Variants in SH3PXD2A observed in about 807,000 individuals in gnomAD.
SH3PXD2A encodes the protein SH3 and PX domains 2A, also known as SH3 and PX domain-containing protein 2A.
A neutral mutation model predicts 115.2 loss-of-function variants in SH3PXD2A; 32 were observed. The ratio of observed to expected loss-of-function variants is 0.28; its 90% CI spans 0.21 to 0.37. The LOEUF is 0.37. Ranked by LOEUF, SH3PXD2A falls within the 10% of genes least tolerant of loss-of-function variation. The probability of loss-of-function intolerance (pLI) is 1.00; values close to 1 mark genes in which losing one functional copy is unlikely to be tolerated. For synonymous variants in SH3PXD2A, 610 were observed against 629.1 expected (o/e 0.97, Z 0.45); for missense variants, 1,328 against 1,498.7 (o/e 0.89, Z 1.88).
chr10:103,820,294 G>A (rs2039365067), intron 1 of SH3PXD2A, among the ~76,000 whole-genome samples: 1 of 152,064 alleles, frequency 6.6e-6, no homozygotes, highest in Non-Finnish European at 1.5e-5. Context: ...TGTGGCCAGA[G>A]GGGACCCTCC....
intron 2 of SH3PXD2A, among the ~76,000 whole-genome samples, chr10:103,770,450 C>T (rs1436357762): frequency 6.6e-6 from 1 of 152,202 alleles, no homozygotes; most frequent in Non-Finnish European, 1.5e-5. Context: ...ATCCTCCTAC[C>T]TTGGCCTCCC....
At chr10:103,817,333 G>A (rs912185099) in intron 1 of SH3PXD2A, among the ~76,000 whole-genome samples, 7 of 151,794 alleles carry the variant, frequency 4.6e-5, no homozygotes, top group African/African-American at 1.7e-4. Context: ...GTAGGCCCCA[G>A]TGTCTGTTGT....
intron 4 of SH3PXD2A, 63 bp from the exon 5 acceptor site, chr10:103,724,424 C>G: frequency 1.1e-6 from 1 of 951,680 alleles, no homozygotes; most frequent in African/African-American, 1.7e-5. Flanking sequence ...AAAACCAAGA[C>G]AGTGTCACCT....
chr10:103,843,671 C>A (rs1257199882), intron 1 of SH3PXD2A, among the ~76,000 whole-genome samples: 2 of 152,168 alleles, frequency 1.3e-5, no homozygotes, highest in Non-Finnish European at 2.9e-5. Context: ...GGGCAGGTGA[C>A]CTGGGGTTTA....
intron 7 of SH3PXD2A, chr10:103,661,509 C>G (rs2037301572): frequency 3.1e-6 from 1 of 320,340 alleles, no homozygotes; most frequent in African/African-American, 2.2e-5. Context: ...CTCCGGCCTC[C>G]CTCTCGGGCC....
intron 1 of SH3PXD2A, among the ~76,000 whole-genome samples, chr10:103,840,656 G>A (rs770232687): frequency 5.3e-5 from 8 of 152,186 alleles, no homozygotes; most frequent in Non-Finnish European, 1.0e-4. Context: ...CTCTGAACCC[G>A]GCTCTGCCCC....
chr10:103,801,578 G>C (rs1164954185), intron 1 of SH3PXD2A, among the ~76,000 whole-genome samples: 1 of 57,738 alleles, frequency 1.7e-5, no homozygotes, highest in Non-Finnish European at 3.8e-5. Flanking sequence ...TACCCCTAGA[G>C]GGATATTTCA....
At chr10:103,626,401 G>A (rs1231388188) in intron 9 of SH3PXD2A, among the ~76,000 whole-genome samples, 5 of 152,154 alleles carry the variant, frequency 3.3e-5, no homozygotes, top group African/African-American at 4.8e-5. Flanking sequence ...GCCAGGCCAT[G>A]GGAGGCTTGG....
chr10:103,622,422 GAGAC>G, intron 10 of SH3PXD2A, 44 bp downstream of exon 10: 6 of 1,221,334 alleles, frequency 4.9e-6, no homozygotes, highest in Non-Finnish European at 7.1e-6. Context: ...GTGTTAGCGA[GAGAC>G]AGGCGGTCGC....
chr10:103,602,087 G>T lies in SH3PXD2A; in HGVS notation c.3131C>A (p.Pro1044His). Residue 1044 changes from proline to histidine, a missense_variant, in exon 15 of 15, where the codon CCC becomes CAC. Pro to His is a moderately conservative substitution (Grantham distance 77). Transcript: ENST00000369774. Reference protein sequence around the residue: ...ERAASQGSDSPLLPAQRNSIP... With the variant: ...ERAASQGSDSHLLPAQRNSIP... ...GCTGTTGCGCTGGGCGGGCAGTAGGGGTGAGTCTGAACCCTGGCTGGCAGC... is the reference window on the plus strand; with the variant it reads ...GCTGTTGCGCTGGGCGGGCAGTAGGTGTGAGTCTGAACCCTGGCTGGCAGC... 1 of 1,599,550 alleles carries T rather than the reference G, an allele frequency of 6.3e-7. No homozygotes were observed. The highest frequency in any genetic ancestry group is 1.7e-5 in the Admixed American group (1 of 59,288).
intron 5 of SH3PXD2A, among the ~76,000 whole-genome samples, chr10:103,702,531 TG>T (rs2037927451): frequency 6.6e-6 from 1 of 150,862 alleles, no homozygotes; most frequent in Non-Finnish European, 1.5e-5. Context: ...GAAGGAGATT[TG>T]GGGTGGAAGG....
chr10:103,688,623 G>A (rs2037709270), intron 6 of SH3PXD2A, among the ~76,000 whole-genome samples: 1 of 152,188 alleles, frequency 6.6e-6, no homozygotes, highest in Admixed American at 6.5e-5. Flanking sequence ...CAAAGGCCAC[G>A]TAGAAGAATG....
At chr10:103,806,129 C>T (rs1028758605) in intron 1 of SH3PXD2A, among the ~76,000 whole-genome samples, 1 of 152,208 alleles carries the variant, frequency 6.6e-6, no homozygotes, top group Non-Finnish European at 1.5e-5. Flanking sequence ...ATGAATGTGA[C>T]TCAGTGTGAA....
At chr10:103,815,622 G>A (rs2039316333) in intron 1 of SH3PXD2A, among the ~76,000 whole-genome samples, 1 of 152,022 alleles carries the variant, frequency 6.6e-6, no homozygotes, top group Non-Finnish European at 1.5e-5. Context: ...CAGGTGCGGT[G>A]GCTCATGCCT....
At chr10:103,758,552 T>C (rs2038667004) in intron 3 of SH3PXD2A, among the ~76,000 whole-genome samples, 1 of 152,246 alleles carries the variant, frequency 6.6e-6, no homozygotes, top group South Asian at 2.1e-4. Context: ...ATATCACCAG[T>C]GACCACAGCT....
At chr10:103,628,385 C>T (rs1318354873) in intron 8 of SH3PXD2A, among the ~76,000 whole-genome samples, 1 of 152,162 alleles carries the variant, frequency 6.6e-6, no homozygotes, top group East Asian at 1.9e-4. Flanking sequence ...CCTCTGCTTG[C>T]AGCTCTGCAA....
At chr10:103,766,441 G>T (rs1451737778) in intron 3 of SH3PXD2A, among the ~76,000 whole-genome samples, 1 of 152,174 alleles carries the variant, frequency 6.6e-6, no homozygotes, top group South Asian at 2.1e-4. Context: ...TCTTTAACCT[G>T]TCTGAACCCC....
intron 1 of SH3PXD2A, among the ~76,000 whole-genome samples, chr10:103,816,262 C>T (rs57187682): frequency 0.15 from 22,479 of 152,204 alleles, 2,171 homozygotes; most frequent in Non-Finnish European, 0.2. Context: ...ATGTCGTAGA[C>T]TTGAAATACA....
chr10:103,740,738 C>G (rs1004451158), intron 3 of SH3PXD2A, among the ~76,000 whole-genome samples: 3 of 152,226 alleles, frequency 2.0e-5, no homozygotes, highest in Non-Finnish European at 4.4e-5. Flanking sequence ...ATGTACAACT[C>G]CTTTTTCCCT....
Sources: gnomAD v4.1 joint callset for allele counts (sites outside exome capture counted in the v4.1 genomes callset) on GRCh38, gnomAD v4.1.1 for gene constraint, MANE v1.5 for transcripts, NCBI Gene and HGNC (gene_info 2026-07-23, HGNC 2026-07-21) for gene names.